CNTLN: variants seen among roughly 807,000 people sequenced by gnomAD.
CNTLN encodes centlein.
CNTLN carries 212 observed loss-of-function variants against 180.0 expected under a neutral mutation model. That is an observed-to-expected ratio of 1.18 (90% CI 1.05 to 1.32). The LOEUF is 1.32. CNTLN is among the 40% of genes most tolerant of loss of function. The probability of loss-of-function intolerance (pLI) is 0.00; values close to 1 mark genes in which losing one functional copy is unlikely to be tolerated. For missense variants in CNTLN, 2,095 were observed against 1,610.9 expected, an observed-to-expected ratio of 1.30 and a Z score of -5.14; for synonymous variants, 722 against 563.1, an observed-to-expected ratio of 1.28 and a Z score of -3.99.
At chr9:17,215,005 C>T (rs1031219144) in intron 2 of CNTLN, among the ~76,000 whole-genome samples, 1 of 152,168 alleles carries the variant, frequency 6.6e-6, no homozygotes, top group African/African-American at 2.4e-5. Context: ...CGAACTTCCT[C>T]CTTTAGCTGG....
chr9:17,293,524 G>A (rs1230769791), intron 6 of CNTLN, among the ~76,000 whole-genome samples: 2 of 152,190 alleles, frequency 1.3e-5, no homozygotes, highest in Non-Finnish European at 2.9e-5. Context: ...GATGGGTTAG[G>A]GTTCCGCCTG....
chr9:17,218,895 A>G (rs1823942788), intron 2 of CNTLN, among the ~76,000 whole-genome samples: 1 of 152,182 alleles, frequency 6.6e-6, no homozygotes, highest in African/African-American at 2.4e-5. Context: ...GTTGTAGTGT[A>G]TAATATATGG....
chr9:17,487,520 G>T (rs559104690), intron 25 of CNTLN, among the ~76,000 whole-genome samples: 3 of 152,036 alleles, frequency 2.0e-5, no homozygotes, highest in Non-Finnish European at 4.4e-5. Context: ...GTGTCTTCCC[G>T]CATTCTCTAC....
At chr9:17,431,159 A>G (rs908431149) in intron 18 of CNTLN, among the ~76,000 whole-genome samples, 2 of 152,074 alleles carry the variant, frequency 1.3e-5, no homozygotes, top group African/African-American at 2.4e-5. Context: ...ACTAATTTGC[A>G]TGTCCATCAA....
intron 7 of CNTLN, chr9:17,298,963 G>A: frequency 1.0e-6 from 1 of 984,340 alleles, no homozygotes; most frequent in Non-Finnish European, 1.2e-6. Flanking sequence ...ACCTTTATTG[G>A]CCGGGCATGG....
rs74438161 is a variant in CNTLN at position 17,483,006 on chromosome 9, G to A, written c.3856-1289G>A. Among the ~76,000 whole-genome samples, 102 of 152,026 alleles carry A rather than the reference G, an allele frequency of 6.7e-4. 2 individuals are homozygous for A. The East Asian group carries it at 0.018, about 27-fold the overall frequency. ...AAAGTATCCCGCTAAATTCAAAAGC[G>A]AGAAAGGAAAAGATTCATTAATTTG... On this transcript the variant is annotated intron_variant, in intron 23 of 25. Coordinates refer to ENST00000380647, the MANE Select transcript of CNTLN (RefSeq NM_017738.4).
intron 3 of CNTLN, among the ~76,000 whole-genome samples, chr9:17,226,683 G>A (rs1400259077): frequency 1.3e-5 from 2 of 151,892 alleles, no homozygotes; most frequent in Admixed American, 6.6e-5. Context: ...TTTTGTGTTA[G>A]TACTATATTA....
At chr9:17,189,717 C>T (rs1439572313) in intron 2 of CNTLN, among the ~76,000 whole-genome samples, 2 of 151,788 alleles carry the variant, frequency 1.3e-5, no homozygotes, top group African/African-American at 4.8e-5. Flanking sequence ...GAACTCCTAA[C>T]CGCAAGCTGG....
chr9:17,411,488 G>C (rs191805212), intron 16 of CNTLN, among the ~76,000 whole-genome samples: 25 of 152,288 alleles, frequency 1.6e-4, no homozygotes, highest in African/African-American at 5.5e-4. Flanking sequence ...AGGACCAAGT[G>C]TGGAGCTAGT....
chr9:17,226,403 T>G, intron 3 of CNTLN, 116 bp downstream of exon 3: 1 of 508,194 alleles, frequency 2.0e-6, no homozygotes, highest in Non-Finnish European at 3.4e-6. Flanking sequence ...GGTCCTTATG[T>G]TAAAGCATTA....
chr9:17,381,887 GT>G (rs904920250), intron 13 of CNTLN, among the ~76,000 whole-genome samples: 10 of 152,152 alleles, frequency 6.6e-5, no homozygotes, highest in African/African-American at 2.4e-4. Flanking sequence ...CAAGGTGGAT[GT>G]TGGAAATTTC....
At chr9:17,309,367 T>A in intron 8 of CNTLN, 115 bp downstream of exon 8, 1 of 830,712 alleles carries the variant, frequency 1.2e-6, no homozygotes, top group Non-Finnish European at 1.8e-6. Context: ...GTATAAGAAG[T>A]GTGCAGATTG....
chr9:17,517,833 A>G, the CNTLN span, among the ~76,000 whole-genome samples: 1 of 152,162 alleles, frequency 6.6e-6, no homozygotes, highest in African/African-American at 2.4e-5. Flanking sequence ...GGAAAGTAAT[A>G]CAAAGGGTGG....
At chr9:17,167,127 A>G (rs188601844) in intron 2 of CNTLN, 1 of 186,626 alleles carries the variant, frequency 5.4e-6, no homozygotes, top group Admixed American at 6.4e-5. Context: ...CACAAATAAA[A>G]GTGACATAAT....
At chr9:17,484,054 T>C (rs1470721306) in intron 23 of CNTLN, among the ~76,000 whole-genome samples, 2 of 152,146 alleles carry the variant, frequency 1.3e-5, no homozygotes, top group Non-Finnish European at 2.9e-5. Context: ...AGTTGGTGTA[T>C]CTGAAAGAGG....
intron 2 of CNTLN, among the ~76,000 whole-genome samples, chr9:17,156,507 T>C (rs1420660692): frequency 6.6e-6 from 1 of 152,156 alleles, no homozygotes; most frequent in Non-Finnish European, 1.5e-5. Flanking sequence ...TTTCTCTTAC[T>C]CTTTTTTTCC....
At chr9:17,462,678 T>G (rs772524133) in intron 19 of CNTLN, among the ~76,000 whole-genome samples, 1 of 151,736 alleles carries the variant, frequency 6.6e-6, no homozygotes, top group Non-Finnish European at 1.5e-5. Flanking sequence ...TACATACTCT[T>G]TGCAATTCTT....
intron 2 of CNTLN, among the ~76,000 whole-genome samples, chr9:17,164,455 A>ATTTTT (rs1586971182): frequency 2.3e-5 from 2 of 88,214 alleles, no homozygotes; most frequent in African/African-American, 8.9e-5. Flanking sequence ...CCTTATTTTT[A>ATTTTT]TGTTTTTTTT....
intron 5 of CNTLN, among the ~76,000 whole-genome samples, chr9:17,270,345 A>T (rs941740686): frequency 7.2e-5 from 11 of 152,030 alleles, no homozygotes; most frequent in African/African-American, 2.7e-4. Flanking sequence ...ATTGTTTTGG[A>T]TGATTTTTCT....
Sources: gnomAD v4.1 joint callset for allele counts (sites outside exome capture counted in the v4.1 genomes callset) on GRCh38, gnomAD v4.1.1 for gene constraint, MANE v1.5 for transcripts, NCBI Gene and HGNC (gene_info 2026-07-23, HGNC 2026-07-21) for gene names.